Variants in RNF185 observed in about 807,000 individuals in gnomAD.
RNF185 encodes the protein E3 ubiquitin-protein ligase RNF185.
A neutral mutation model predicts 24.9 loss-of-function variants in RNF185; 13 were observed. That is an observed-to-expected ratio of 0.52 (90% CI 0.34 to 0.83). RNF185 has a LOEUF of 0.83. Ranked by LOEUF, RNF185 falls within the 40% of genes least tolerant of loss-of-function variation. RNF185 has a pLI of 0.01. For missense variants in RNF185, 184 were observed against 244.7 expected (o/e 0.75, Z 1.65); for synonymous variants, 79 against 90.3 (o/e 0.88, Z 0.71).
At chr22:31,200,372 AAAAAG>A (rs1273407889) in intron 5 of RNF185, among the ~76,000 whole-genome samples, 1 of 152,214 alleles carries the variant, frequency 6.6e-6, no homozygotes, top group East Asian at 1.9e-4. Context: ...AAAAGAAAAG[AAAAAG>A]AAAAGCATGT....
rs746438607 is a variant in RNF185, at chr22:31,204,600, C to T, written c.*14C>T. On this transcript the variant is annotated 3_prime_UTR_variant, in exon 7 of 7. Transcript: ENST00000326132. ...CTGATTGCCTAATGCTGGGCTCCTG[C>T]CTACATCCGTGGCAGGGCTCTGGAC... is the stretch of plus-strand genomic sequence containing the variant. 2.0e-6 allele frequency: 3 copies of T among 1,514,320 alleles called. No homozygotes were observed. Among genetic ancestry groups the T allele is most frequent in the Non-Finnish European group, 2.8e-6 (3 of 1,090,524 alleles). 93.8% of individuals were successfully genotyped at this position (1,514,320 alleles called of 1,614,324 possible). A position where few individuals can be genotyped will look rare whatever the true frequency, so the allele number is the denominator to read the frequency against.
At chr22:31,190,281 T>TTTTG (rs773652281) in intron 2 of RNF185, among the ~76,000 whole-genome samples, 2 of 152,192 alleles carry the variant, frequency 1.3e-5, no homozygotes, top group Admixed American at 6.5e-5. Flanking sequence ...ATGTTGGATT[T>TTTTG]TTTGTTTGTT....
At chr22:31,178,272 A>G (rs572325423) in intron 1 of RNF185, among the ~76,000 whole-genome samples, 440 of 152,236 alleles carry the variant, frequency 2.9e-3, no homozygotes, top group African/African-American at 0.01. Flanking sequence ...AGTTTATCTG[A>G]CCTCTCTGTA....
intron 5 of RNF185, among the ~76,000 whole-genome samples, chr22:31,198,452 G>A (rs1036348541): frequency 5.2e-5 from 7 of 134,964 alleles, no homozygotes; most frequent in African/African-American, 1.9e-4. Context: ...CAACTGGAGT[G>A]TAGTAGTGCG....
At chr22:31,187,446 G>A (rs947157481) in intron 2 of RNF185, among the ~76,000 whole-genome samples, 176 bp downstream of exon 2, 4 of 152,170 alleles carry the variant, frequency 2.6e-5, no homozygotes, top group African/African-American at 9.7e-5. Context: ...ATGACCTTGG[G>A]CAAATCCTGT....
In RNF185 at chr22:31,201,648, A is replaced by T. The variant is rs376632530; in HGVS notation, c.481+33A>T. On this transcript the variant is annotated intron_variant, in intron 6 of 6. Transcript: ENST00000326132. ...CCTATTTCCTTGAGAAATTAGGAAGATATCTTAGTAATATTGCTTGAAAGC... is the reference window on the plus strand; with the variant it reads ...CCTATTTCCTTGAGAAATTAGGAAGTTATCTTAGTAATATTGCTTGAAAGC... 2.9e-5 allele frequency: 43 copies of T among 1,463,094 alleles called. No individual in the cohort carries two copies. In the African/African-American group the frequency reaches 4.7e-4, roughly 16 times the overall value. 90.6% of individuals were successfully genotyped at this position (1,463,094 alleles called of 1,614,324 possible).
chr22:31,187,153 C>G lies in RNF185; in HGVS notation c.59C>G (p.Pro20Arg), dbSNP rs780627884. 2 of 1,613,510 alleles carry G rather than the reference C, an allele frequency of 1.2e-6. No homozygotes were observed. The highest frequency in any genetic ancestry group is 1.7e-6 in the Non-Finnish European group (2 of 1,179,710). Residue 20 changes from proline to arginine, a missense_variant, in exon 2 of 7, where the codon CCC becomes CGC. Pro to Arg is a moderately radical substitution (Grantham distance 103). Coordinates refer to ENST00000326132, the MANE Select transcript of RNF185 (RefSeq NM_152267.4). ...ASPENSSAGG[P>R]SGSSNGAGES... is the part of the protein sequence containing the mutation. ...CCTGAGAACTCCAGTGCAGGGGGGC[C>G]CAGTGGGAGCAGCAATGGCGCTGGC... is the stretch of plus-strand genomic sequence containing the variant.
At chr22:31,177,236 G>GA (rs34293991) in intron 1 of RNF185, among the ~76,000 whole-genome samples, 1,949 of 151,336 alleles carry the variant, frequency 0.013, 48 homozygotes, top group African/African-American at 0.044. Context: ...CCTTTAGACT[G>GA]AAAAAAAAGT....
intron 5 of RNF185, 93 bp downstream of exon 5, chr22:31,197,083 A>C (rs758386017): frequency 1.2e-4 from 188 of 1,549,220 alleles, no homozygotes; most frequent in Non-Finnish European, 1.5e-4. Context: ...TGATTATAAA[A>C]GTAAAGGAAA....
At position 31,166,290 on chromosome 22, in the gene RNF185, C is replaced by T. The variant is rs114645954; in HGVS notation, c.-49+5987C>T. On this transcript the variant is annotated intron_variant, in intron 1 of 6. Coordinates refer to ENST00000326132, the MANE Select transcript of RNF185 (RefSeq NM_152267.4). ...ACAGGCATGAGCCACCATGCCCTGC[C>T]GATGTGCTCATTTTAGACATTTTGG... Among the ~76,000 whole-genome samples the T allele has an allele frequency of 5.7e-3, 874 of 152,118 alleles. 6 individuals are homozygous for T. Among genetic ancestry groups the T allele is most frequent in the African/African-American group, 0.02 (824 of 41,486 alleles).
intron 2 of RNF185, among the ~76,000 whole-genome samples, chr22:31,192,019 G>A (rs957585246): frequency 2.0e-5 from 3 of 151,880 alleles, no homozygotes; most frequent in Non-Finnish European, 2.9e-5. Flanking sequence ...AATGGAGAGA[G>A]ATTGGACAGC....
In RNF185 at chr22:31,191,946, C is replaced by CT. The variant is rs559098053; in HGVS notation, c.177-728dup. 5.3e-3 allele frequency among the ~76,000 whole-genome samples: 764 copies of CT among 145,232 alleles called. 4 individuals are homozygous for CT. Among genetic ancestry groups the CT allele is most frequent in the Non-Finnish European group, 8.0e-3 (529 of 66,126 alleles). ...GGGCAATGAACTAGAAGTCAGGAGA[C>CT]TTTTTTTTTTAATCCTGATGCAGTT... On this transcript the variant is annotated intron_variant, in intron 2 of 6. Transcript: ENST00000326132.
At chr22:31,173,403 T>TCACACACACACACACACA (rs1239424812) in intron 1 of RNF185, among the ~76,000 whole-genome samples, 3 of 49,980 alleles carry the variant, frequency 6.0e-5, no homozygotes, top group African/African-American at 2.7e-4. Context: ...GTCAACTCAT[T>TCACACACACACACACACA]CACACACACA....
chr22:31,171,881 T>C (rs1178755315), intron 1 of RNF185, among the ~76,000 whole-genome samples: 1 of 151,856 alleles, frequency 6.6e-6, no homozygotes, highest in Non-Finnish European at 1.5e-5. Context: ...GGCAGGAGAA[T>C]CGCTTGAACC....
chr22:31,194,109 G>A (rs2048181216), intron 3 of RNF185, among the ~76,000 whole-genome samples: 1 of 151,540 alleles, frequency 6.6e-6, no homozygotes, highest in Admixed American at 6.6e-5. Flanking sequence ...TGTTCCCCAC[G>A]CTGGTCTTGA....
At chr22:31,191,946 CTTTTT>C (rs559098053) in intron 2 of RNF185, among the ~76,000 whole-genome samples, 2 of 145,192 alleles carry the variant, frequency 1.4e-5, no homozygotes, top group African/African-American at 5.1e-5. Context: ...AGTCAGGAGA[CTTTTT>C]TTTTTAATCC....
chr22:31,165,990 TTTA>T (rs1686720107), intron 1 of RNF185, among the ~76,000 whole-genome samples: 1 of 150,216 alleles, frequency 6.7e-6, no homozygotes, highest in Non-Finnish European at 1.5e-5. Context: ...ATGTGCTTAT[TTTA>T]TTATTATTTT....
intron 1 of RNF185, among the ~76,000 whole-genome samples, chr22:31,186,740 A>G (rs5997901): frequency 6.6e-6 from 1 of 152,190 alleles, no homozygotes; most frequent in Non-Finnish European, 1.5e-5. Context: ...GTTGATTGTC[A>G]TGGGGGAATC....
chr22:31,191,399 T>C (rs1383109724), intron 2 of RNF185, among the ~76,000 whole-genome samples: 1 of 152,226 alleles, frequency 6.6e-6, no homozygotes, highest in African/African-American at 2.4e-5. Context: ...AAAGGAACTA[T>C]CCTTTGAGTT....
Sources: allele counts gnomAD v4.1 joint callset (sites outside exome capture counted in the v4.1 genomes callset), GRCh38; gene constraint gnomAD v4.1.1; transcripts MANE v1.5; gene names NCBI Gene and HGNC (gene_info 2026-07-23, HGNC 2026-07-21).